The following BEND4 variants were observed in gnomAD, a reference collection of about 807,000 sequenced individuals.
BEND4 encodes the protein BEN domain containing 4, also known as BEN domain-containing protein 4.
Under a neutral mutation model 54.7 loss-of-function variants are expected in BEND4, and 27 were observed. That is an observed-to-expected ratio of 0.49 (90% CI 0.36 to 0.68). The LOEUF is 0.68. Among genes scored for constraint, BEND4 ranks in the 30% least tolerant of loss-of-function variants. The pLI, the probability that BEND4 is intolerant of heterozygous loss-of-function variation, is 0.00. For synonymous variants in BEND4, 327 were observed against 299.5 expected (o/e 1.09, Z -0.95); for missense variants, 702 against 697.2 (o/e 1.01, Z -0.08).
In BEND4 at chr4:42,120,581, G is replaced by A. The variant is rs547188651; in HGVS notation, c.1147-287C>T. 2.0e-5 allele frequency among the ~76,000 whole-genome samples: 3 copies of A among 152,260 alleles called. No individual in the cohort carries two copies. The South Asian group carries it at 6.2e-4, about 32-fold the overall frequency. ...AGGTTAAAATGTGTCAAGATCCAAT[G>A]ACAGGGAACACTATTTAAATCTAAC... On this transcript the variant is annotated intron_variant, in intron 4 of 5. Transcript: ENST00000502486.
At chr4:42,136,768 C>A (rs1286985888) in intron 3 of BEND4, among the ~76,000 whole-genome samples, 1 of 152,226 alleles carries the variant, frequency 6.6e-6, no homozygotes, top group Non-Finnish European at 1.5e-5. Context: ...TACAAGAAGA[C>A]TGTGATGTGC....
At chr4:42,125,455 C>A (rs1379792781) in intron 4 of BEND4, 128 bp downstream of exon 4, 7 of 688,416 alleles carry the variant, frequency 1.0e-5, no homozygotes, top group Non-Finnish European at 1.6e-5. Flanking sequence ...TACTTACAGG[C>A]AACAGACCCA....
rs1286917876 is a variant in BEND4 at position 42,111,648 on chromosome 4, C to G, written c.*5870G>C. The G allele has an allele frequency of 6.6e-6, 1 of 152,200 alleles. No homozygotes were observed. The highest frequency in any genetic ancestry group is 1.5e-5 in the Non-Finnish European group (1 of 68,030). The allele number at this position is 152,200 out of a possible 1,614,324, so 9.4% of individuals were successfully genotyped here. A position where few individuals can be genotyped will look rare whatever the true frequency, so the allele number is the denominator to read the frequency against. On this transcript the variant is annotated 3_prime_UTR_variant, in exon 6 of 6. Transcript: ENST00000502486. ...ACTGTATTTTCTTACAAAATTTTCA[C>G]AACAGTTCTCACAGTGACATCATAA...
chr4:42,143,394 T>C (rs1720957307), intron 3 of BEND4, 34 bp downstream of exon 3: 5 of 1,479,660 alleles, frequency 3.4e-6, no homozygotes, highest in Non-Finnish European at 4.6e-6. Flanking sequence ...GAAAGAAGGG[T>C]TGCAGTTGTC....
At chr4:42,126,114 G>C (rs544399824) in intron 3 of BEND4, among the ~76,000 whole-genome samples, 2 of 152,246 alleles carry the variant, frequency 1.3e-5, no homozygotes, top group Admixed American at 1.3e-4. Flanking sequence ...TCTTTCATTT[G>C]ACATCCGTAG....
At chr4:42,128,638 G>GA (rs1414537444) in intron 3 of BEND4, among the ~76,000 whole-genome samples, 3 of 150,294 alleles carry the variant, frequency 2.0e-5, no homozygotes, top group African/African-American at 4.9e-5. Context: ...AAACAGAAAA[G>GA]AAAAAAAAGA....
At chr4:42,144,204 A>C in intron 2 of BEND4, 1 of 604,296 alleles carries the variant, frequency 1.7e-6, no homozygotes, top group South Asian at 2.0e-5. Context: ...AGTCACACGC[A>C]GTCTCTTGCT....
At chr4:42,151,097 C>T (rs1721255748) in intron 2 of BEND4, 1 of 151,130 alleles carries the variant, frequency 6.6e-6, no homozygotes, top group Non-Finnish European at 1.5e-5. Context: ...CACAGGCGCA[C>T]AAAAAAAGAC....
intron 3 of BEND4, among the ~76,000 whole-genome samples, chr4:42,135,421 C>T (rs144305076): frequency 1.7e-3 from 255 of 152,286 alleles, no homozygotes; most frequent in Non-Finnish European, 2.7e-3. Context: ...TGAGTGCTTA[C>T]TGGAAGATCA....
rs1192402700 is a variant in BEND4 at position 42,113,425 on chromosome 4, G to A, written c.*4093C>T. ...ATCTAAATGAGGACAATGGATGTTT[G>A]CTTTTCTGAACATATAGTGCACGTT... On this transcript the variant is annotated 3_prime_UTR_variant, in exon 6 of 6. Coordinates refer to ENST00000502486, the MANE Select transcript of BEND4 (RefSeq NM_207406.4). 6.6e-6 allele frequency: 1 copy of A among 152,198 alleles called. No individual in the cohort carries two copies. The highest frequency in any genetic ancestry group is 1.5e-5 in the Non-Finnish European group (1 of 68,032). The allele number at this position is 152,198 out of a possible 1,614,324, so 9.4% of individuals were successfully genotyped here.
chr4:42,137,926 CAA>C (rs1720748720), intron 3 of BEND4, among the ~76,000 whole-genome samples: 1 of 151,994 alleles, frequency 6.6e-6, no homozygotes, highest in Non-Finnish European at 1.5e-5. Context: ...TGGCTGTTGG[CAA>C]AAGATCAAAA....
At chr4:42,142,737 A>C (rs371723736) in intron 3 of BEND4, among the ~76,000 whole-genome samples, 31 of 151,530 alleles carry the variant, frequency 2.0e-4, no homozygotes, top group East Asian at 9.7e-4. Flanking sequence ...TGATTTTACT[A>C]CTCTGAAAAT....
At chr4:42,145,011 C>A (rs1252365895) in intron 2 of BEND4, among the ~76,000 whole-genome samples, 3 of 152,160 alleles carry the variant, frequency 2.0e-5, no homozygotes, top group African/African-American at 4.8e-5. Context: ...CTTATTTCCT[C>A]TCCCCTTTCC....
chr4:42,125,501 T>C (rs1164890340), intron 4 of BEND4, 82 bp downstream of exon 4: 1 of 1,056,146 alleles, frequency 9.5e-7, no homozygotes, highest in Non-Finnish European at 1.5e-6. Flanking sequence ...CTAGCCAGTC[T>C]GTTCTGGTAT....
intron 3 of BEND4, among the ~76,000 whole-genome samples, chr4:42,126,786 G>T (rs1288090889): frequency 6.6e-6 from 1 of 152,154 alleles, no homozygotes; most frequent in African/African-American, 2.4e-5. Context: ...AAAGGCGGGA[G>T]AATAGCTTAA....
At chr4:42,126,997 G>T (rs953298755) in intron 3 of BEND4, among the ~76,000 whole-genome samples, 3 of 152,124 alleles carry the variant, frequency 2.0e-5, no homozygotes, top group Non-Finnish European at 2.9e-5. Flanking sequence ...TCACGTTCAA[G>T]AAAATAATAA....
chr4:42,119,901 C>T, intron 5 of BEND4, 153 bp downstream of exon 5: 1 of 949,846 alleles, frequency 1.1e-6, no homozygotes, highest in Non-Finnish European at 1.6e-6. Context: ...AAAAGAGCTT[C>T]TCAAGACTGA....
At chr4:42,118,057 C>T (rs1719915751) in intron 5 of BEND4, among the ~76,000 whole-genome samples, 1 of 152,080 alleles carries the variant, frequency 6.6e-6, no homozygotes, top group Non-Finnish European at 1.5e-5. Context: ...GTCAAGGAGA[C>T]AGATTTCAAA....
chr4:42,151,650 T>G lies in BEND4; in HGVS notation c.487+7A>C. On this transcript the variant is annotated splice_region_variant and intron_variant, in intron 2 of 5. Coordinates refer to ENST00000502486, the MANE Select transcript of BEND4 (RefSeq NM_207406.4). The stretch of plus-strand genomic sequence containing the variant: ...GCGGGAAGGAAAGTTGTGCGGAGAG[T>G]TGGTACCTGCGCTGAGCTCCAGGCT... 6.8e-7 allele frequency: 1 copy of G among 1,463,042 alleles called. No individual in the cohort carries two copies. Among genetic ancestry groups the G allele is most frequent in the Non-Finnish European group, 9.0e-7 (1 of 1,114,472 alleles). 90.6% of individuals were successfully genotyped at this position (1,463,042 alleles called of 1,614,324 possible).
Sources: allele counts gnomAD v4.1 joint callset (sites outside exome capture counted in the v4.1 genomes callset), GRCh38; gene constraint gnomAD v4.1.1; transcripts MANE v1.5; gene names NCBI Gene and HGNC (gene_info 2026-07-23, HGNC 2026-07-21).